Variants in KCNAB1 observed in about 807,000 individuals in gnomAD.
KCNAB1 encodes the protein voltage-gated potassium channel subunit beta-1.
In KCNAB1, 35 loss-of-function variants were observed where a neutral mutation model predicts 64.6. That is an observed-to-expected ratio of 0.54 (90% CI 0.41 to 0.72). The LOEUF is 0.72. KCNAB1 is among the 30% of genes least tolerant of loss of function. The pLI is 0.00. For missense variants in KCNAB1, 401 were observed against 512.9 expected, an observed-to-expected ratio of 0.78 and a Z score of 2.11; for synonymous variants, 177 against 183.8, an observed-to-expected ratio of 0.96 and a Z score of 0.30.
intron 1 of KCNAB1, among the ~76,000 whole-genome samples, chr3:156,227,364 T>C (rs944213295): frequency 6.6e-6 from 1 of 152,222 alleles, no homozygotes; most frequent in African/African-American, 2.4e-5. Context: ...CCCTGAAAGT[T>C]TGACTTAGAA....
chr3:156,415,421 A>G (rs1202817073), intron 1 of KCNAB1, among the ~76,000 whole-genome samples: 1 of 151,990 alleles, frequency 6.6e-6, no homozygotes, highest in Non-Finnish European at 1.5e-5. Flanking sequence ...AAGGTCACAC[A>G]CATCTGGTGA....
intron 1 of KCNAB1, among the ~76,000 whole-genome samples, chr3:156,390,917 C>G (rs946369457): frequency 6.6e-6 from 1 of 152,110 alleles, no homozygotes; most frequent in African/African-American, 2.4e-5. Context: ...ATTGAATACA[C>G]TTTCCCCACT....
intron 11 of KCNAB1, 164 bp from the exon 12 acceptor site, chr3:156,523,663 C>G (rs1050722748): frequency 1.0e-5 from 7 of 668,900 alleles, no homozygotes; most frequent in Non-Finnish European, 1.8e-5. Context: ...GGAGCAAGAT[C>G]GTGAGGAACA....
At chr3:156,182,636 C>T (rs1022029789) in intron 1 of KCNAB1, among the ~76,000 whole-genome samples, 4 of 151,662 alleles carry the variant, frequency 2.6e-5, no homozygotes, top group African/African-American at 7.3e-5. Context: ...TTTTCCCCCC[C>T]CCGGGTCTTA....
intron 2 of KCNAB1, among the ~76,000 whole-genome samples, chr3:156,444,285 G>A (rs1255984046): frequency 6.6e-6 from 1 of 152,204 alleles, no homozygotes; most frequent in African/African-American, 2.4e-5. Context: ...CACATGGGAT[G>A]CTTGATAAAC....
chr3:156,453,144 C>A, intron 3 of KCNAB1: 3 of 407,650 alleles, frequency 7.4e-6, no homozygotes, highest in Non-Finnish European at 1.3e-5. Flanking sequence ...TGAAGCTGTA[C>A]ATTATATATG....
At chr3:156,476,811 C>T (rs1246926248) in intron 8 of KCNAB1, among the ~76,000 whole-genome samples, 1 of 152,070 alleles carries the variant, frequency 6.6e-6, no homozygotes, top group Non-Finnish European at 1.5e-5. Context: ...AAACAGAGCA[C>T]TAAAGTTATT....
chr3:156,441,412 CT>C (rs1716984535), intron 2 of KCNAB1: 1 of 152,056 alleles, frequency 6.6e-6, no homozygotes, highest in Non-Finnish European at 1.5e-5. Flanking sequence ...TTCCAGACTT[CT>C]TTTCATAGTA....
At chr3:156,361,727 T>C (rs9859443) in intron 1 of KCNAB1, among the ~76,000 whole-genome samples, 61,805 of 152,096 alleles carry the variant, frequency 0.41, 15,190 homozygotes, top group African/African-American at 0.7. Flanking sequence ...CACACGATTA[T>C]AGCTCATTGG....
chr3:156,333,624 G>A (rs904618844), intron 1 of KCNAB1, among the ~76,000 whole-genome samples: 1 of 152,106 alleles, frequency 6.6e-6, no homozygotes, highest in East Asian at 1.9e-4. Flanking sequence ...TTTGTATACA[G>A]CTATGAGTAT....
chr3:156,312,525 A>C (rs1244999515), intron 1 of KCNAB1, among the ~76,000 whole-genome samples: 1 of 152,068 alleles, frequency 6.6e-6, no homozygotes, highest in Non-Finnish European at 1.5e-5. Flanking sequence ...CAGCCTGGCT[A>C]ATATGGTGAA....
At chr3:156,181,304 G>A (rs545037125) in intron 1 of KCNAB1, among the ~76,000 whole-genome samples, 114 of 152,280 alleles carry the variant, frequency 7.5e-4, no homozygotes, top group African/African-American at 2.7e-3. Context: ...ACGAGACAGA[G>A]GTTAGAAGGG....
intron 8 of KCNAB1, among the ~76,000 whole-genome samples, chr3:156,514,025 A>G (rs948760082): frequency 6.6e-6 from 1 of 152,212 alleles, no homozygotes; most frequent in Non-Finnish European, 1.5e-5. Context: ...GAAGGTACTC[A>G]GGCTCTTAAA....
chr3:156,259,432 C>T (rs2108476200), intron 1 of KCNAB1, among the ~76,000 whole-genome samples: 1 of 152,304 alleles, frequency 6.6e-6, no homozygotes, highest in East Asian at 1.9e-4. Flanking sequence ...CCACACCCTG[C>T]AAATGTCTGC....
At chr3:156,329,242 C>T (rs1386842226) in intron 1 of KCNAB1, among the ~76,000 whole-genome samples, 1 of 151,992 alleles carries the variant, frequency 6.6e-6, no homozygotes, top group Non-Finnish European at 1.5e-5. Flanking sequence ...AGAATTTGTC[C>T]CCATCTTCCC....
chr3:156,153,799 C>G (rs1404211809), intron 1 of KCNAB1, among the ~76,000 whole-genome samples: 2 of 152,214 alleles, frequency 1.3e-5, no homozygotes, highest in African/African-American at 4.8e-5. Flanking sequence ...ACCATTGACC[C>G]ACCTGAATCT....
intron 1 of KCNAB1, among the ~76,000 whole-genome samples, chr3:156,299,822 C>T (rs1460405139): frequency 1.3e-5 from 2 of 152,062 alleles, no homozygotes; most frequent in Non-Finnish European, 2.9e-5. Flanking sequence ...CCAATTTGCA[C>T]TGTGCAGCAA....
At chr3:156,266,379 C>T (rs1478839169) in intron 1 of KCNAB1, among the ~76,000 whole-genome samples, 1 of 152,186 alleles carries the variant, frequency 6.6e-6, no homozygotes, top group East Asian at 1.9e-4. Context: ...TCAATTTCTA[C>T]ATAGACTATT....
intron 1 of KCNAB1, among the ~76,000 whole-genome samples, chr3:156,348,262 A>G (rs971778948): frequency 6.6e-6 from 1 of 152,178 alleles, no homozygotes; most frequent in African/African-American, 2.4e-5. Context: ...GACAATGAGA[A>G]CAGAACATGC....
Sources: allele counts gnomAD v4.1 joint callset (sites outside exome capture counted in the v4.1 genomes callset), GRCh38; gene constraint gnomAD v4.1.1; transcripts MANE v1.5; gene names NCBI Gene and HGNC (gene_info 2026-07-23, HGNC 2026-07-21).